The following GASK1B variants were observed in gnomAD, a reference collection of about 807,000 sequenced individuals.
GASK1B encodes golgi associated kinase 1B, also known as Golgi-associated kinase 1B.
Under a neutral mutation model 42.8 loss-of-function variants are expected in GASK1B, and 34 were observed. The observed-to-expected ratio is 0.79, with a 90% CI of 0.60 to 1.06. The LOEUF is 1.06. Among genes scored for constraint, GASK1B ranks in the 50% least tolerant of loss-of-function variants. GASK1B has a pLI of 0.00. For synonymous variants in GASK1B, 262 were observed against 259.1 expected (o/e 1.01, Z -0.11); for missense variants, 686 against 661.0 (o/e 1.04, Z -0.42).
intron 3 of GASK1B, among the ~76,000 whole-genome samples, chr4:158,154,835 A>G (rs1204780514): frequency 6.6e-6 from 1 of 152,130 alleles, no homozygotes; most frequent in African/African-American, 2.4e-5. Context: ...GAATGATACA[A>G]TGGACTTTGG....
chr4:158,170,705 A>G lies in GASK1B; in HGVS notation c.671T>C (p.Met224Thr), dbSNP rs1169115826. The G allele has an allele frequency of 6.2e-7, 1 of 1,614,222 alleles. No individual in the cohort carries two copies. Among genetic ancestry groups the G allele is most frequent in the Admixed American group, 1.7e-5 (1 of 60,032 alleles). The change falls in exon 2 of 5, where the codon ATG becomes ACG. Residue 224 changes from methionine (M) to threonine (T), a missense_variant. Physicochemically the swap from Met to Thr is moderately conservative, Grantham distance 81 (BLOSUM62 -1). Coordinates refer to ENST00000585682, the MANE Select transcript of GASK1B (RefSeq NM_001128424.2). ...SWLSKDDIRR[M>T]RLLADSAVAG... ...CACTGCGCTGTCCGCCAAGAGTCGC[A>G]TTCTTCGGATGTCATCTTTGCTCAG...
chr4:158,125,159 T>C lies in GASK1B; in HGVS notation c.*2248A>G, dbSNP rs1484625562. The C allele has an allele frequency of 6.6e-6, 1 of 152,216 alleles. No individual in the cohort carries two copies. Among genetic ancestry groups the C allele is most frequent in the Non-Finnish European group, 1.5e-5 (1 of 68,026 alleles). The allele number at this position is 152,216 out of a possible 1,614,324, so 9.4% of individuals were successfully genotyped here. On this transcript the variant is annotated 3_prime_UTR_variant, in exon 5 of 5. Transcript: ENST00000585682. ...CGGCTATCCATTAGTCAAAAATAAT[T>C]CATCATGAATTACTCATTGATTACA... is the stretch of plus-strand genomic sequence containing the variant.
intron 3 of GASK1B, among the ~76,000 whole-genome samples, chr4:158,139,277 C>A (rs1024321355): frequency 3.3e-5 from 5 of 152,140 alleles, no homozygotes; most frequent in Non-Finnish European, 4.4e-5. Flanking sequence ...TAGCAACCAG[C>A]ATTATACTTT....
At chr4:158,165,317 T>C (rs1489924913) in intron 2 of GASK1B, among the ~76,000 whole-genome samples, 2 of 152,208 alleles carry the variant, frequency 1.3e-5, no homozygotes, top group Non-Finnish European at 2.9e-5. Flanking sequence ...TAATGCTAGA[T>C]AAATACTTTA....
chr4:158,162,770 G>T (rs1048313129), intron 2 of GASK1B, among the ~76,000 whole-genome samples: 4 of 152,154 alleles, frequency 2.6e-5, no homozygotes, highest in African/African-American at 7.2e-5. Context: ...CTACATTCAG[G>T]GATCAGGCGA....
At chr4:158,172,076 T>C (rs1732569962) in intron 1 of GASK1B, among the ~76,000 whole-genome samples, 1 of 152,188 alleles carries the variant, frequency 6.6e-6, no homozygotes, top group Non-Finnish European at 1.5e-5. Flanking sequence ...TAATAATATG[T>C]TCCATTAGCT....
rs547674313 is a variant in GASK1B, at chr4:158,171,542, T to G, written c.-167A>C. The G allele has an allele frequency of 6.4e-6, 4 of 629,718 alleles. No individual in the cohort carries two copies. Among genetic ancestry groups the G allele is most frequent in the Non-Finnish European group, 1.0e-5 (4 of 398,874 alleles). 39.0% of individuals were successfully genotyped at this position (629,718 alleles called of 1,614,324 possible). The stretch of plus-strand genomic sequence containing the variant: ...GGTTGGTGATGAAGCTGGGAATGTT[T>G]CTGACACAACAAACCTTTTAAATTA... On this transcript the variant is annotated 5_prime_UTR_variant, in exon 2 of 5. Coordinates refer to ENST00000585682, the MANE Select transcript of GASK1B (RefSeq NM_001128424.2).
intron 3 of GASK1B, among the ~76,000 whole-genome samples, chr4:158,133,793 G>A (rs1730774886): frequency 6.6e-6 from 1 of 152,140 alleles, no homozygotes; most frequent in South Asian, 2.1e-4. Flanking sequence ...AGATCTAAGA[G>A]ACATTATTAC....
intron 3 of GASK1B, among the ~76,000 whole-genome samples, chr4:158,144,081 T>G (rs986557294): frequency 4.6e-5 from 7 of 152,198 alleles, no homozygotes; most frequent in Non-Finnish European, 1.5e-5. Flanking sequence ...AGTAGATCTG[T>G]ATATGTACTT....
At chr4:158,150,937 T>C (rs1186151841) in intron 3 of GASK1B, among the ~76,000 whole-genome samples, 1 of 152,200 alleles carries the variant, frequency 6.6e-6, no homozygotes, top group African/African-American at 2.4e-5. Flanking sequence ...AGACTGTGAC[T>C]CTGTGCTAAA....
intron 3 of GASK1B, among the ~76,000 whole-genome samples, chr4:158,138,636 AT>A (rs1011488075): frequency 5.9e-5 from 9 of 152,006 alleles, no homozygotes; most frequent in African/African-American, 1.2e-4. Flanking sequence ...ATTTCTATCA[AT>A]TTTTTTCTAT....
intron 3 of GASK1B, among the ~76,000 whole-genome samples, chr4:158,139,525 G>A (rs1171629929): frequency 6.6e-6 from 1 of 152,098 alleles, no homozygotes; most frequent in Non-Finnish European, 1.5e-5. Flanking sequence ...GTTTATTTCA[G>A]AAAAGATAAC....
intron 2 of GASK1B, among the ~76,000 whole-genome samples, chr4:158,167,912 G>GA (rs372755587): frequency 4.6e-5 from 7 of 152,218 alleles, no homozygotes; most frequent in African/African-American, 1.7e-4. Context: ...GACACAGTGA[G>GA]AAAAAGACTA....
chr4:158,137,586 T>C (rs1175720793), intron 3 of GASK1B, among the ~76,000 whole-genome samples: 2 of 152,138 alleles, frequency 1.3e-5, no homozygotes, highest in Non-Finnish European at 2.9e-5. Flanking sequence ...CCATGTAGTC[T>C]AATGAGTGTA....
chr4:158,159,933 G>A (rs1000714419), intron 2 of GASK1B, among the ~76,000 whole-genome samples: 1 of 152,116 alleles, frequency 6.6e-6, no homozygotes, highest in African/African-American at 2.4e-5. Flanking sequence ...GGAATTATAG[G>A]TGAATGCTAA....
chr4:158,166,157 C>G (rs1276778243), intron 2 of GASK1B, among the ~76,000 whole-genome samples: 1 of 152,118 alleles, frequency 6.6e-6, no homozygotes, highest in Non-Finnish European at 1.5e-5. Context: ...TCAAGTGCAC[C>G]CTTCTCATTT....
intron 3 of GASK1B, among the ~76,000 whole-genome samples, chr4:158,141,609 T>A (rs1169382958): frequency 7.9e-6 from 1 of 126,770 alleles, no homozygotes; most frequent in Non-Finnish European, 1.7e-5. Context: ...TTTTTTTTTT[T>A]TTTTTTTTTT....
chr4:158,150,704 C>T (rs997709733), intron 3 of GASK1B, among the ~76,000 whole-genome samples: 2 of 152,146 alleles, frequency 1.3e-5, no homozygotes, highest in African/African-American at 4.8e-5. Context: ...AGAACTAGTA[C>T]ATTAATAAAA....
intron 3 of GASK1B, among the ~76,000 whole-genome samples, chr4:158,145,980 A>T (rs1439972154): frequency 6.6e-6 from 1 of 152,216 alleles, no homozygotes; most frequent in African/African-American, 2.4e-5. Flanking sequence ...CAAACACTGA[A>T]AATATTAAAT....
Sources: allele counts gnomAD v4.1 joint callset (sites outside exome capture counted in the v4.1 genomes callset), GRCh38; gene constraint gnomAD v4.1.1; transcripts MANE v1.5; gene names NCBI Gene and HGNC (gene_info 2026-07-23, HGNC 2026-07-21).